Variants in PRDM8 observed in about 807,000 individuals in gnomAD.
The protein encoded by PRDM8 is PR domain zinc finger protein 8.
A neutral mutation model predicts 46.5 loss-of-function variants in PRDM8; 13 were observed. The observed-to-expected ratio is 0.28, with a 90% CI of 0.18 to 0.44. The LOEUF (loss-of-function observed/expected upper bound fraction) is 0.44. Among genes scored for constraint, PRDM8 ranks in the 20% least tolerant of loss-of-function variants. PRDM8 has a pLI of 1.00. For synonymous variants in PRDM8, 473 were observed against 438.4 expected (o/e 1.08, Z -0.98); for missense variants, 998 against 955.0 (o/e 1.04, Z -0.59).
chr4:80,192,541 G>A (rs1360823811), upstream of PRDM8, among the ~76,000 whole-genome samples: 1 of 152,192 alleles, frequency 6.6e-6, no homozygotes, highest in Non-Finnish European at 1.5e-5. Flanking sequence ...AGGGTAAGGA[G>A]GTTCAGAGTG....
rs1430252782 is a variant in PRDM8, at chr4:80,187,147, C to T, written c.-983+1629C>T. Among the ~76,000 whole-genome samples, 6 of 152,128 alleles carry T rather than the reference C, an allele frequency of 3.9e-5. No individual in the cohort carries two copies. In the East Asian group the frequency reaches 7.7e-4, roughly 20 times the overall value. On this transcript the variant is annotated intron_variant, in intron 1 of 9. Coordinates refer to the PRDM8 transcript ENST00000339711. The stretch of plus-strand genomic sequence containing the variant: ...TGAGGAATTGGTTTTATTTTATTCT[C>T]CTTTTTGCTAACAGCACCTTTTAGT...
rs1027540486 is a variant in PRDM8, at chr4:80,203,141, G to A, written c.1679G>A (p.Gly560Glu). 6.4e-7 allele frequency: 1 copy of A among 1,555,406 alleles called. No homozygotes were observed. Among genetic ancestry groups the A allele is most frequent in the Non-Finnish European group, 8.6e-7 (1 of 1,158,404 alleles). ...GCCGCGGACCTGAACGGAGGTTGCG[G>A]GTCCCTGCCGAGCGGCGGCGGCGGC... Reference protein sequence around the residue: ...QGAADLNGGCGSLPSGGGGLP... With the variant: ...QGAADLNGGCESLPSGGGGLP... The change falls in exon 4 of 4, where the codon GGG (glycine) becomes GAG (glutamate). Residue 560 changes from glycine to glutamate, a missense_variant. By Grantham distance (98) the Gly-to-Glu change is moderately conservative. Transcript: ENST00000415738.
chr4:80,198,418 G>C (rs923278403), intron 1 of PRDM8, among the ~76,000 whole-genome samples: 1 of 152,182 alleles, frequency 6.6e-6, no homozygotes, highest in East Asian at 1.9e-4. Flanking sequence ...TTGAAAAGAG[G>C]AGAATAGGAT....
chr4:80,196,360 A>G, upstream of PRDM8: 1 of 985,426 alleles, frequency 1.0e-6, no homozygotes, highest in Non-Finnish European at 1.2e-6. Flanking sequence ...AGGAGTAGAG[A>G]ATTGAACTGT....
upstream of PRDM8, among the ~76,000 whole-genome samples, chr4:80,192,826 C>T (rs950270172): frequency 1.3e-5 from 2 of 152,156 alleles, no homozygotes; most frequent in African/African-American, 4.8e-5. Context: ...TAGTTGTGCA[C>T]AATGTCACTT....
exon 1 of PRDM8, chr4:80,185,417 T>G (rs1029436105): frequency 6.6e-6 from 1 of 152,338 alleles, no homozygotes; most frequent in Middle Eastern, 3.4e-3. Context: ...GACCCGCAAC[T>G]CATTAGCGAA....
chr4:80,196,540 G>C (rs945217706), upstream of PRDM8: 91 of 985,206 alleles, frequency 9.2e-5, no homozygotes, highest in Non-Finnish European at 1.0e-4. Flanking sequence ...AGACGGCCTC[G>C]GCAACTCCAT....
chr4:80,202,892 G>T lies in PRDM8; in HGVS notation c.1430G>T (p.Gly477Val). 5 of 1,320,790 alleles carry T rather than the reference G, an allele frequency of 3.8e-6. No individual in the cohort carries two copies. Among genetic ancestry groups the T allele is most frequent in the Non-Finnish European group, 4.8e-6 (5 of 1,045,812 alleles). The allele number at this position is 1,320,790 out of a possible 1,614,324, so 81.8% of individuals were successfully genotyped here. A position where few individuals can be genotyped will look rare whatever the true frequency, so the allele number is the denominator to read the frequency against. Residue 477 changes from glycine (G) to valine (V), a missense_variant, in exon 4 of 4, where the codon GGA becomes GTA. Physicochemically the swap from Gly to Val is moderately radical, Grantham distance 109. Transcript: ENST00000415738. ...GCGGGCAGCACCAGCGGTGGGGGCG[G>T]AACGGGCGCCGGGGCCGCAGGCGGC... Reference protein sequence around the residue: ...GSAGSTSGGGGTGAGAAGGAG... With the variant: ...GSAGSTSGGGVTGAGAAGGAG...
At chr4:80,195,114 A>G (rs1467979578), upstream of PRDM8, among the ~76,000 whole-genome samples, 1 of 152,218 alleles carries the variant, frequency 6.6e-6, no homozygotes, top group African/African-American at 2.4e-5. Flanking sequence ...TTGCATGGAC[A>G]GATGACTTTT....
Position 80,202,998 on chromosome 4 carries a change from C to T in PRDM8, c.1536C>T (p.Ser512=). The change falls in exon 4 of 4, where the codon TCC becomes TCT. Residue 512 remains serine (S), a synonymous_variant. Transcript: ENST00000415738. The stretch of plus-strand genomic sequence containing the variant: ...CAGCACGCTCTTTCTCGCAGCTGTC[C>T]CCGCTGGTGCTGGGCCAGAAGCTGG... ...SQPARSFSQL[S]PLVLGQKLGA... 4 of 1,519,112 alleles carry T rather than the reference C, an allele frequency of 2.6e-6. No individual in the cohort carries two copies. Among genetic ancestry groups the T allele is most frequent in the South Asian group, 1.2e-5 (1 of 82,534 alleles). 94.1% of individuals were successfully genotyped at this position (1,519,112 alleles called of 1,614,324 possible).
rs1738075579 is a variant in PRDM8 at position 80,197,749 on chromosome 4, C to G, written c.-17C>G. 1 of 985,104 alleles carries G rather than the reference C, an allele frequency of 1.0e-6. No individual in the cohort carries two copies. Among genetic ancestry groups the G allele is most frequent in the South Asian group, 4.7e-5 (1 of 21,270 alleles). The allele number at this position is 985,104 out of a possible 1,614,324, so 61.0% of individuals were successfully genotyped here. A position where few individuals can be genotyped will look rare whatever the true frequency, so the allele number is the denominator to read the frequency against. ...GTGGCCTTATTTGGGAGATTCTATA[C>G]TGACCTTATTCCTGGTAAGTCTATT... On this transcript the variant is annotated 5_prime_UTR_variant, in exon 1 of 4. Transcript: ENST00000415738.
Position 80,200,223 on chromosome 4 carries a change from A to T in PRDM8, c.143A>T (p.His48Leu). The T allele has an allele frequency of 3.7e-6, 6 of 1,614,136 alleles. No individual in the cohort carries two copies. Among genetic ancestry groups the T allele is most frequent in the Non-Finnish European group, 5.1e-6 (6 of 1,179,990 alleles). Residue 48 changes from histidine to leucine, a missense_variant, in exon 2 of 4, where the codon CAT (histidine) becomes CTT (leucine). Physicochemically the swap from His to Leu is moderately conservative, Grantham distance 99 (BLOSUM62 -3). Transcript: ENST00000415738. ...NAIFGPCVLSHTSLYDSIAFI... is the reference protein window; with the variant it reads ...NAIFGPCVLSLTSLYDSIAFI... ...ATATTTGGTCCCTGTGTCCTGAGCC[A>T]TACTTCCCTATATGACAGCATAGCT...
chr4:80,185,847 T>A (rs1389982451), intron 1 of PRDM8, among the ~76,000 whole-genome samples: 1 of 152,238 alleles, frequency 6.6e-6, no homozygotes, highest in East Asian at 1.9e-4. Context: ...TTTGCGTCAT[T>A]GCCTTTTATC....
chr4:80,204,175 A>G lies in PRDM8; in HGVS notation c.*643A>G, dbSNP rs1738810170. Reference sequence around the variant, plus strand: ...AATGTCATCAATTATGTACATATGTATTTTCTTTTAATACAAAGTGTAATT... The same window carrying G: ...AATGTCATCAATTATGTACATATGTGTTTTCTTTTAATACAAAGTGTAATT... On this transcript the variant is annotated 3_prime_UTR_variant, in exon 4 of 4. Transcript: ENST00000415738. 1 of 152,602 alleles carries G rather than the reference A, an allele frequency of 6.6e-6. No individual in the cohort carries two copies. The highest frequency in any genetic ancestry group is 2.4e-5 in the African/African-American group (1 of 41,422). 9.5% of individuals were successfully genotyped at this position (152,602 alleles called of 1,614,324 possible). A position where few individuals can be genotyped will look rare whatever the true frequency, so the allele number is the denominator to read the frequency against.
chr4:80,193,820 A>G (rs1054189585), upstream of PRDM8, among the ~76,000 whole-genome samples: 3 of 152,122 alleles, frequency 2.0e-5, no homozygotes, highest in South Asian at 2.1e-4. Context: ...ATGAATTGCC[A>G]TACTCTTTTG....
At position 80,202,902 on chromosome 4, in the gene PRDM8, CG is replaced by C; in HGVS notation, c.1444del (p.Ala482ProfsTer64). On this transcript the variant is annotated frameshift_variant, in exon 4 of 4. Transcript: ENST00000415738. LOFTEE classifies it high-confidence loss of function. ...STSGGGGTGAGAAGGAGGGQG... is the reference protein window; with the variant it reads ...STSGGGGTGAXAAGGAGGGQG... ...CCAGCGGTGGGGGCGGAACGGGCGC[CG>C]GGGCCGCAGGCGGCGCGGGCGGGGG... 7.5e-7 allele frequency: 1 copy of C among 1,331,942 alleles called. No individual in the cohort carries two copies. Among genetic ancestry groups the C allele is most frequent in the Non-Finnish European group, 9.5e-7 (1 of 1,052,280 alleles). 82.5% of individuals were successfully genotyped at this position (1,331,942 alleles called of 1,614,324 possible).
intron 1 of PRDM8, among the ~76,000 whole-genome samples, chr4:80,188,953 C>T (rs1737333907): frequency 6.6e-6 from 1 of 152,224 alleles, no homozygotes. Flanking sequence ...AGCTCCAGTG[C>T]CAGTGGTGTA....
chr4:80,203,671 C>G lies in PRDM8; in HGVS notation c.*139C>G. 7.2e-7 allele frequency: 1 copy of G among 1,390,202 alleles called. No homozygotes were observed. The highest frequency in any genetic ancestry group is 9.3e-7 in the Non-Finnish European group (1 of 1,070,690). 86.1% of individuals were successfully genotyped at this position (1,390,202 alleles called of 1,614,324 possible). A position where few individuals can be genotyped will look rare whatever the true frequency, so the allele number is the denominator to read the frequency against. ...CACATACATTCACCGCCCCCCCGCC[C>G]CCCCAACGCGCACACACACGTCCTC... On this transcript the variant is annotated 3_prime_UTR_variant, in exon 4 of 4. Transcript: ENST00000415738.
At chr4:80,199,018 T>A (rs930904) in intron 1 of PRDM8, among the ~76,000 whole-genome samples, 5,605 of 87,534 alleles carry the variant, frequency 0.064, 290 homozygotes, top group East Asian at 0.13. Context: ...TTTTTTTTTT[T>A]AGTGATAAGT....
Sources: allele counts gnomAD v4.1 joint callset (sites outside exome capture counted in the v4.1 genomes callset), GRCh38; gene constraint gnomAD v4.1.1; transcripts MANE v1.5; gene names NCBI Gene and HGNC (gene_info 2026-07-23, HGNC 2026-07-21).